The following PRDM1 variants were observed in gnomAD, a reference collection of about 807,000 sequenced individuals.
The protein encoded by PRDM1 is PR/SET domain 1.
Under a neutral mutation model 62.8 loss-of-function variants are expected in PRDM1, and 13 were observed. That is an observed-to-expected ratio of 0.21 (90% CI 0.13 to 0.33). The LOEUF is 0.33. Ranked by LOEUF, PRDM1 falls within the 10% of genes least tolerant of loss-of-function variation. The pLI is 1.00. For synonymous variants in PRDM1, 396 were observed against 417.6 expected (o/e 0.95, Z 0.63); for missense variants, 895 against 1,058.8 (o/e 0.85, Z 2.15).
intron 1 of PRDM1, among the ~76,000 whole-genome samples, chr6:106,014,058 A>ATTTTTTTTTTTTTTTTTTTTTTTTTTTTT (rs71006664): frequency 9.5e-6 from 1 of 105,102 alleles, no homozygotes; most frequent in Non-Finnish European, 1.8e-5. Context: ...AGGACAAGGA[A>ATTTTTTTTTTTTTTTTTTTTTTTTTTTTT]TTTTTTTTTT....
At chr6:106,072,759 C>T (rs191177515) in intron 1 of PRDM1, among the ~76,000 whole-genome samples, 20 of 152,306 alleles carry the variant, frequency 1.3e-4, no homozygotes, top group Admixed American at 7.2e-4. Context: ...AGAAACATGA[C>T]GTGGTGGATT....
In PRDM1 at chr6:106,094,759, T is replaced by C. The variant is rs1774049238; in HGVS notation, c.292-856T>C. On this transcript the variant is annotated intron_variant, in intron 2 of 6. Transcript: ENST00000369096. ...CTCAACAATAACAACAAAAATTAGC[T>C]GGGCGTGATGGTGCATGCCTGTAGT... Among the ~76,000 whole-genome samples, 3 of 151,822 alleles carry C rather than the reference T, an allele frequency of 2.0e-5. No individual in the cohort carries two copies. The South Asian group carries it at 6.3e-4, about 32-fold the overall frequency.
At position 106,105,124 on chromosome 6, in the gene PRDM1, A is replaced by G. The variant is rs1302679931; in HGVS notation, c.964A>G (p.Thr322Ala). The G allele has an allele frequency of 6.2e-7, 1 of 1,613,792 alleles. No homozygotes were observed. The highest frequency in any genetic ancestry group is 2.2e-5 in the East Asian group (1 of 44,862). Residue 322 changes from threonine to alanine, a missense_variant, in exon 5 of 7, where the codon ACG (threonine) becomes GCG (alanine). Thr to Ala is a moderately conservative substitution (Grantham distance 58). Coordinates refer to ENST00000369096, the MANE Select transcript of PRDM1 (RefSeq NM_001198.4). ...ASLAYGIERPTYITRSPIPSS... is the reference protein window; with the variant it reads ...ASLAYGIERPAYITRSPIPSS... ...CCTGGCCTACGGGATCGAGAGACCC[A>G]CGTACATCACTCGCTCCCCCATTCC... is the stretch of plus-strand genomic sequence containing the variant.
At chr6:106,049,198 G>A (rs1455602206) in intron 1 of PRDM1, among the ~76,000 whole-genome samples, 4 of 152,192 alleles carry the variant, frequency 2.6e-5, no homozygotes, top group Non-Finnish European at 1.5e-5. Flanking sequence ...AGAGAGAACA[G>A]AGAGAACAGA....
rs1203972398 is a variant in PRDM1, at chr6:106,107,107, G to A, written c.2099G>A (p.Cys700Tyr). 4.3e-6 allele frequency: 7 copies of A among 1,614,226 alleles called. No individual in the cohort carries two copies. The highest frequency in any genetic ancestry group is 5.9e-6 in the Non-Finnish European group (7 of 1,180,046). The change falls in exon 7 of 7, where the codon TGT becomes TAT. Residue 700 changes from cysteine to tyrosine, a missense_variant. Cys to Tyr is a radical substitution (Grantham distance 194, BLOSUM62 -2). Around this residue, in one of 4 missense-constraint regions of PRDM1, gnomAD observed 164 missense variants for 179.9 expected, o/e 0.91. Coordinates refer to ENST00000369096, the MANE Select transcript of PRDM1 (RefSeq NM_001198.4). ...TGCCACAAGAACTACATCCATCTCT[G>A]TAGCCTCAAGGTTCACCTGAAAGGG... ...SQCHKNYIHL[C>Y]SLKVHLKGNC...
chr6:106,026,494 A>T (rs1772769159), intron 1 of PRDM1, among the ~76,000 whole-genome samples: 1 of 151,640 alleles, frequency 6.6e-6, no homozygotes, highest in African/African-American at 2.4e-5. Flanking sequence ...ATAATAATAA[A>T]TAATAATAAT....
At chr6:106,045,174 A>G (rs1304207203), upstream of PRDM1, among the ~76,000 whole-genome samples, 1 of 152,222 alleles carries the variant, frequency 6.6e-6, no homozygotes, top group Non-Finnish European at 1.5e-5. Flanking sequence ...GAACTATCCC[A>G]ATAAAACACC....
At chr6:106,055,566 A>G (rs917908733) in intron 1 of PRDM1, among the ~76,000 whole-genome samples, 2 of 152,212 alleles carry the variant, frequency 1.3e-5, no homozygotes, top group South Asian at 2.1e-4. Context: ...AAGCCTGCAG[A>G]TTAGATTATC....
Position 106,104,823 on chromosome 6 carries a change from A to T in PRDM1, c.665-2A>T, listed in dbSNP as rs1464925125. The T allele has an allele frequency of 6.2e-7, 1 of 1,602,764 alleles. No individual in the cohort carries two copies. The highest frequency in any genetic ancestry group is 1.1e-5 in the South Asian group (1 of 89,920). The stretch of plus-strand genomic sequence containing the variant: ...GTAATCGCCCCTTTTTCTTTATTTC[A>T]GCACAAACACAGAGCAGTCTAAAGC... On this transcript the variant is annotated splice_acceptor_variant, in intron 4 of 6. Transcript: ENST00000369096. LOFTEE classifies it high-confidence loss of function.
chr6:106,105,974 A>C (rs1187433340), intron 5 of PRDM1, 41 bp downstream of exon 5: 2 of 1,570,840 alleles, frequency 1.3e-6, no homozygotes, highest in Non-Finnish European at 1.7e-6. Context: ...CTGTGAGTGC[A>C]TGCTTGTGTT....
intron 1 of PRDM1, among the ~76,000 whole-genome samples, chr6:106,012,334 A>G (rs1772568077): frequency 6.6e-6 from 1 of 151,376 alleles, no homozygotes; most frequent in Non-Finnish European, 1.5e-5. Flanking sequence ...CACACACCAC[A>G]CACACACAAA....
At chr6:106,064,034 T>C (rs1463830212) in intron 1 of PRDM1, among the ~76,000 whole-genome samples, 1 of 152,226 alleles carries the variant, frequency 6.6e-6, no homozygotes. Flanking sequence ...TGGACCCGAT[T>C]GCAAGAGGAA....
chr6:106,068,236 C>T (rs976985040), intron 1 of PRDM1, among the ~76,000 whole-genome samples: 2 of 151,970 alleles, frequency 1.3e-5, no homozygotes, highest in Non-Finnish European at 2.9e-5. Flanking sequence ...GGATTACAGG[C>T]GGATGCCACG....
Position 106,108,470 on chromosome 6 carries a change from T to C in PRDM1, c.*984T>C, listed in dbSNP as rs1236890758. On this transcript the variant is annotated 3_prime_UTR_variant, in exon 7 of 7. Coordinates refer to ENST00000369096, the MANE Select transcript of PRDM1 (RefSeq NM_001198.4). Reference sequence around the variant, plus strand: ...CAAAGCATAGGTGGCTTTGTGTGTGTGCGATTTGGGGGCTTGAGTCTGGGT... The same window carrying C: ...CAAAGCATAGGTGGCTTTGTGTGTGCGCGATTTGGGGGCTTGAGTCTGGGT... 3 of 231,424 alleles carry C rather than the reference T, an allele frequency of 1.3e-5. No individual in the cohort carries two copies. The South Asian group carries it at 5.6e-4, about 43-fold the overall frequency. The allele number at this position is 231,424 out of a possible 1,614,324, so 14.3% of individuals were successfully genotyped here.
chr6:106,082,873 G>A (rs909738934), upstream of PRDM1, among the ~76,000 whole-genome samples: 3 of 152,060 alleles, frequency 2.0e-5, no homozygotes, highest in Non-Finnish European at 4.4e-5. Flanking sequence ...ACTCATCATC[G>A]AAACATATCG....
At chr6:106,001,890 T>A (rs900680074) in intron 1 of PRDM1, among the ~76,000 whole-genome samples, 11 of 152,194 alleles carry the variant, frequency 7.2e-5, no homozygotes, top group African/African-American at 2.7e-4. Flanking sequence ...TTTGAGCTAA[T>A]ATCCACAATA....
intron 1 of PRDM1, among the ~76,000 whole-genome samples, chr6:106,033,083 C>A (rs1328055421): frequency 6.9e-6 from 1 of 144,226 alleles, no homozygotes; most frequent in Admixed American, 6.9e-5. Flanking sequence ...TTTTTTTTTT[C>A]AATTTTTAAA....
chr6:106,066,139 A>G (rs1011581272), intron 1 of PRDM1, among the ~76,000 whole-genome samples: 6 of 152,052 alleles, frequency 3.9e-5, no homozygotes, highest in African/African-American at 7.2e-5. Flanking sequence ...GCTCCTTCCA[A>G]ATGGGACAAA....
chr6:106,036,762 C>A (rs1050689130), intron 1 of PRDM1, among the ~76,000 whole-genome samples: 7 of 152,066 alleles, frequency 4.6e-5, no homozygotes, highest in African/African-American at 1.7e-4. Flanking sequence ...GAGTTTGAGA[C>A]CAGCCTGGCC....
Sources: allele counts gnomAD v4.1 joint callset (sites outside exome capture counted in the v4.1 genomes callset), GRCh38; gene constraint gnomAD v4.1.1; regional missense constraint gnomAD v4.1.1; transcripts MANE v1.5; gene names NCBI Gene and HGNC (gene_info 2026-07-23, HGNC 2026-07-21).